Variants in GREB1 observed in about 807,000 individuals in gnomAD.
GREB1 encodes growth regulating estrogen receptor binding 1.
GREB1 carries 106 observed loss-of-function variants against 200.7 expected under a neutral mutation model. The ratio of observed to expected loss-of-function variants is 0.53; its 90% CI spans 0.45 to 0.62. The LOEUF is 0.62. Ranked by LOEUF, GREB1 falls within the 20% of genes least tolerant of loss-of-function variation. GREB1 has a pLI of 0.00. For synonymous variants in GREB1, 1,132 were observed against 1,092.4 expected, an observed-to-expected ratio of 1.04 and a Z score of -0.72; for missense variants, 2,243 against 2,556.8, an observed-to-expected ratio of 0.88 and a Z score of 2.65.
Position 11,632,975 on chromosome 2 carries a change from C to A in GREB1, c.4903C>A (p.Gln1635Lys). The A allele has an allele frequency of 6.2e-7, 1 of 1,614,194 alleles. No homozygotes were observed. The highest frequency in any genetic ancestry group is 2.2e-5 in the East Asian group (1 of 44,880). The change falls in exon 28 of 33, where the codon CAG becomes AAG. Residue 1635 changes from glutamine (Q) to lysine (K), a missense_variant. Gln to Lys is a moderately conservative substitution (Grantham distance 53). Transcript: ENST00000381486. ...GCAGGAGGAGCTGGGAATCAAGCCG[C>A]AGGACATCTGGCCTTTCATTGTGAT... ...NRQEELGIKP[Q>K]DIWPFIVISD...
At chr2:11,504,383 A>T (rs1302944486) in intron 1 of GREB1, among the ~76,000 whole-genome samples, 1 of 152,242 alleles carries the variant, frequency 6.6e-6, no homozygotes, top group Non-Finnish European at 1.5e-5. Flanking sequence ...AGGGTCTTCA[A>T]AGCGATTTTT....
At chr2:11,610,630 C>A in intron 17 of GREB1, 58 bp from the exon 18 acceptor site, 1 of 1,332,608 alleles carries the variant, frequency 7.5e-7, no homozygotes. Flanking sequence ...GGTGACTTGG[C>A]AGCAGCAGGC....
At chr2:11,538,080 G>A (rs1674382665) in intron 1 of GREB1, among the ~76,000 whole-genome samples, 1 of 152,202 alleles carries the variant, frequency 6.6e-6, no homozygotes, top group African/African-American at 2.4e-5. Flanking sequence ...ACCGCGTACA[G>A]TGTGCCTCCC....
chr2:11,618,619 C>T lies in GREB1; in HGVS notation c.3744C>T (p.Ser1248=), dbSNP rs768036936. 2 of 1,613,324 alleles carry T rather than the reference C, an allele frequency of 1.2e-6. No individual in the cohort carries two copies. Among genetic ancestry groups the T allele is most frequent in the Non-Finnish European group, 1.7e-6 (2 of 1,179,928 alleles). Residue 1248 remains serine, a synonymous_variant, in exon 22 of 33, where the codon TCC becomes TCT. Transcript: ENST00000381486. ...GGGTCCTGCAGGCCTCCCAGTGCTCCTTGACCAAGGCCTGCCGCCAGCCAC... is the reference window on the plus strand; with the variant it reads ...GGGTCCTGCAGGCCTCCCAGTGCTCTTTGACCAAGGCCTGCCGCCAGCCAC... ...GTWVLQASQC[S]LTKACRQPPI...
At chr2:11,636,816 AGGCAGG>A (rs1342588446) in intron 30 of GREB1, among the ~76,000 whole-genome samples, 4 of 112,340 alleles carry the variant, frequency 3.6e-5, no homozygotes, top group Admixed American at 8.6e-5. Flanking sequence ...GCAGGGACAG[AGGCAGG>A]GGCAGGGACA....
intron 4 of GREB1, among the ~76,000 whole-genome samples, chr2:11,569,438 G>A (rs1442670517): frequency 6.6e-6 from 1 of 152,142 alleles, no homozygotes; most frequent in African/African-American, 2.4e-5. Flanking sequence ...CAGCAGAGAC[G>A]GTAAGGTGCT....
intron 32 of GREB1, among the ~76,000 whole-genome samples, chr2:11,639,664 C>T (rs935265793): frequency 6.6e-6 from 1 of 152,218 alleles, no homozygotes. Context: ...TCTGACCTTC[C>T]CCTCTAGCAG....
rs769651380 is a variant in GREB1 at position 11,618,812 on chromosome 2, C to T, written c.3937C>T (p.Arg1313Trp). The part of the protein sequence containing the change: ...MTSTEQSLYY[R>W]QWTVPRPSHM... ...ATCCACCGAGCAGTCCCTCTACTAC[C>T]GGCAGTGGACGGTGCCCCGGCCCAG... The change falls in exon 22 of 33, where the codon CGG becomes TGG. Residue 1313 changes from arginine to tryptophan, a missense_variant. Around this residue, in one of 3 missense-constraint regions of GREB1, gnomAD observed 587 missense variants for 553.1 expected, o/e 1.06. Transcript: ENST00000381486. The T allele has an allele frequency of 7.5e-6, 12 of 1,607,286 alleles. No homozygotes were observed. Among genetic ancestry groups the T allele is most frequent in the South Asian group, 2.2e-5 (2 of 91,014 alleles).
chr2:11,634,951 G>C (rs560015108), intron 29 of GREB1, among the ~76,000 whole-genome samples: 85 of 152,352 alleles, frequency 5.6e-4, no homozygotes, highest in African/African-American at 2.0e-3. Flanking sequence ...TTTCACCGAT[G>C]CGTGAGGTCG....
Position 11,565,854 on chromosome 2 carries a change from C to T in GREB1, c.278-626C>T, listed in dbSNP as rs148931443. Among the ~76,000 whole-genome samples, 23 of 152,192 alleles carry T rather than the reference C, an allele frequency of 1.5e-4. No homozygotes were observed. The East Asian group carries it at 4.3e-3, about 28-fold the overall frequency. The stretch of plus-strand genomic sequence containing the variant: ...CCCATAAAATGCAGCATGTAAAAAA[C>T]ATCAGAGGACCCTCAGTTTCTTGTG... On this transcript the variant is annotated intron_variant, in intron 3 of 32. Transcript: ENST00000381486.
intron 1 of GREB1, among the ~76,000 whole-genome samples, chr2:11,519,072 G>A (rs2148467458): frequency 6.6e-6 from 1 of 150,954 alleles, no homozygotes; most frequent in East Asian, 1.9e-4. Flanking sequence ...ACTCCAGCCT[G>A]GGTGAAAGAA....
intron 1 of GREB1, among the ~76,000 whole-genome samples, chr2:11,504,923 C>A (rs1476429156): frequency 6.6e-6 from 1 of 152,092 alleles, no homozygotes; most frequent in East Asian, 1.9e-4. Flanking sequence ...TGATCACATT[C>A]TTTTCATTTA....
At chr2:11,510,269 T>G (rs1266530176) in intron 1 of GREB1, among the ~76,000 whole-genome samples, 1 of 152,254 alleles carries the variant, frequency 6.6e-6, no homozygotes, top group Non-Finnish European at 1.5e-5. Context: ...GGTATGTACC[T>G]TATATTGCAC....
chr2:11,620,393 G>A (rs1572165455), intron 22 of GREB1, among the ~76,000 whole-genome samples: 1 of 152,176 alleles, frequency 6.6e-6, no homozygotes, highest in African/African-American at 2.4e-5. Flanking sequence ...GCCTGAAGCT[G>A]GGCTGGGGAA....
rs549223866 is a variant in GREB1 at position 11,612,188 on chromosome 2, T to C, written c.3007-307T>C. On this transcript the variant is annotated intron_variant, in intron 18 of 32. Transcript: ENST00000381486. ...CAGCCTGGGTGACTCAGCGAGACTC[T>C]GTCTCAAAAAAAAAAAAAAAAGACT... is the stretch of plus-strand genomic sequence containing the variant. 1,505 of 340,648 alleles carry C rather than the reference T, an allele frequency of 4.4e-3. 9 individuals carry two copies. Among genetic ancestry groups the C allele is most frequent in the Admixed American group, 5.3e-3 (69 of 13,068 alleles). 21.1% of individuals were successfully genotyped at this position (340,648 alleles called of 1,614,324 possible). A position where few individuals can be genotyped will look rare whatever the true frequency, so the allele number is the denominator to read the frequency against.
chr2:11,513,903 C>A (rs926974680), intron 1 of GREB1, among the ~76,000 whole-genome samples: 1 of 152,162 alleles, frequency 6.6e-6, no homozygotes, highest in Non-Finnish European at 1.5e-5. Flanking sequence ...GAGTAATAAT[C>A]TGTGGCAGGT....
chr2:11,512,087 T>G (rs1673368578), intron 1 of GREB1, among the ~76,000 whole-genome samples: 1 of 152,226 alleles, frequency 6.6e-6, no homozygotes, highest in Non-Finnish European at 1.5e-5. Context: ...GAAACAGTGC[T>G]GGAAATACAT....
chr2:11,574,223 TAGTC>T (rs1203794942), intron 4 of GREB1, among the ~76,000 whole-genome samples: 1 of 152,210 alleles, frequency 6.6e-6, no homozygotes, highest in African/African-American at 2.4e-5. Context: ...TGTTGGGTAT[TAGTC>T]AGTACCTGTA....
chr2:11,582,217 C>G (rs1380211241), intron 7 of GREB1, among the ~76,000 whole-genome samples: 2 of 152,204 alleles, frequency 1.3e-5, no homozygotes, highest in Non-Finnish European at 2.9e-5. Context: ...CTCCTTCAGC[C>G]CGGGAACCTG....
Sources: allele counts gnomAD v4.1 joint callset (sites outside exome capture counted in the v4.1 genomes callset), GRCh38; gene constraint gnomAD v4.1.1; regional missense constraint gnomAD v4.1.1; transcripts MANE v1.5; gene names NCBI Gene and HGNC (gene_info 2026-07-23, HGNC 2026-07-21).